IDE: variants seen among roughly 807,000 people sequenced by gnomAD.
IDE encodes insulin degrading enzyme.
IDE carries 58 observed loss-of-function variants against 133.2 expected under a neutral mutation model. The observed-to-expected ratio is 0.44, with a 90% CI of 0.35 to 0.54. The LOEUF (loss-of-function observed/expected upper bound fraction) is 0.54. IDE is among the 20% of genes least tolerant of loss of function. IDE has a pLI of 0.00. For missense variants in IDE, 981 were observed against 1,234.0 expected, an observed-to-expected ratio of 0.79 and a Z score of 3.07; for synonymous variants, 396 against 421.3, an observed-to-expected ratio of 0.94 and a Z score of 0.73.
In IDE at chr10:92,479,315, A is replaced by C. The variant is rs757461262; in HGVS notation, c.1846T>G (p.Leu616Val). ...EYAYAAELAG[L>V]SYDLQNTIYG... ...ATGGTATTTTGGAGATCATAGCTCA[A>C]GCCTGCTAGCTCTGCTGCATATGCA... The change falls in exon 15 of 25, where the codon TTG becomes GTG. Residue 616 changes from leucine (L) to valine (V), a missense_variant. Leu to Val is a conservative substitution (Grantham distance 32). Coordinates refer to ENST00000265986, the MANE Select transcript of IDE (RefSeq NM_004969.4). The C allele has an allele frequency of 2.8e-5, 45 of 1,613,686 alleles. No individual in the cohort carries two copies. The highest frequency in any genetic ancestry group is 3.7e-5 in the Non-Finnish European group (44 of 1,179,670).
chr10:92,469,379 G>A lies in IDE; in HGVS notation c.2209-389C>T, dbSNP rs529634327. On this transcript the variant is annotated intron_variant, in intron 18 of 24. Coordinates refer to ENST00000265986, the MANE Select transcript of IDE (RefSeq NM_004969.4). The stretch of plus-strand genomic sequence containing the variant: ...CTGCCACTTATTAGCATCTGACCTT[G>A]GGCATATTGTTCTGGAGGGGGTATA... Among the ~76,000 whole-genome samples the A allele has an allele frequency of 2.0e-5, 3 of 152,186 alleles. 1 individual carries two copies. The East Asian group carries it at 5.8e-4, about 29-fold the overall frequency.
chr10:92,476,904 T>C (rs1348212290), intron 15 of IDE, among the ~76,000 whole-genome samples: 1 of 152,094 alleles, frequency 6.6e-6, no homozygotes, highest in Admixed American at 6.6e-5. Flanking sequence ...AAAGCTGAGA[T>C]GGAAGGCTTG....
intron 20 of IDE, among the ~76,000 whole-genome samples, chr10:92,464,916 C>A (rs541475979): frequency 6.6e-6 from 1 of 152,308 alleles, no homozygotes; most frequent in Admixed American, 6.5e-5. Flanking sequence ...GTGATCCACC[C>A]GCCGCAGCCT....
Position 92,473,219 on chromosome 10 carries a change from G to A in IDE, c.2116+1622C>T, listed in dbSNP as rs774984200. On this transcript the variant is annotated intron_variant, in intron 17 of 24. Transcript: ENST00000265986. ...TGCTGGGATTACAGGTGTGAGCCAC[G>A]GCACCCGGCCCAAAATTCTTTTTAT... Among the ~76,000 whole-genome samples the A allele has an allele frequency of 3.3e-3, 500 of 151,994 alleles. 7 individuals carry two copies. Among genetic ancestry groups the A allele is most frequent in the Admixed American group, 5.3e-3 (80 of 15,238 alleles).
At chr10:92,530,288 CA>C (rs952570181) in intron 4 of IDE, among the ~76,000 whole-genome samples, 2 of 148,480 alleles carry the variant, frequency 1.3e-5, no homozygotes, top group Non-Finnish European at 3.0e-5. Flanking sequence ...TTTGAAAAAA[CA>C]AAAAAAAAGT....
intron 1 of IDE, among the ~76,000 whole-genome samples, chr10:92,555,801 A>T (rs763649254): frequency 1.3e-5 from 2 of 152,232 alleles, no homozygotes; most frequent in Non-Finnish European, 2.9e-5. Flanking sequence ...CACTCTTGCC[A>T]CTTCTATTCA....
chr10:92,519,959 C>G (rs960621491), intron 4 of IDE, among the ~76,000 whole-genome samples: 2 of 152,112 alleles, frequency 1.3e-5, no homozygotes, highest in African/African-American at 4.8e-5. Context: ...CAAAAATTAG[C>G]CAGGCATGGT....
chr10:92,494,401 G>T (rs1179898081), intron 11 of IDE, among the ~76,000 whole-genome samples: 2 of 149,912 alleles, frequency 1.3e-5, no homozygotes, highest in Admixed American at 6.7e-5. Flanking sequence ...TGGCTAGAGT[G>T]TGGGGGAAGA....
chr10:92,522,509 A>T (rs1255908234), intron 4 of IDE, among the ~76,000 whole-genome samples: 1 of 152,210 alleles, frequency 6.6e-6, no homozygotes, highest in East Asian at 1.9e-4. Context: ...CATTAGTCAA[A>T]TACAACAAAT....
At chr10:92,476,112 A>G in intron 15 of IDE, 118 bp from the exon 16 acceptor site, 1 of 631,474 alleles carries the variant, frequency 1.6e-6, no homozygotes, top group South Asian at 1.9e-5. Context: ...AAAATGAAAC[A>G]AATTCAATTT....
intron 4 of IDE, among the ~76,000 whole-genome samples, chr10:92,530,484 A>C (rs1849865689): frequency 6.6e-6 from 1 of 151,476 alleles, no homozygotes; most frequent in African/African-American, 2.4e-5. Context: ...ATAGTGTCTC[A>C]CTATGTTGCC....
At chr10:92,542,583 C>T (rs548429941) in intron 1 of IDE, among the ~76,000 whole-genome samples, 84 of 152,366 alleles carry the variant, frequency 5.5e-4, no homozygotes, top group African/African-American at 1.9e-3. Flanking sequence ...AGACACTACA[C>T]CCAGCCCAGG....
In IDE at chr10:92,468,866, CA is replaced by C. The variant is rs1845822521; in HGVS notation, c.2320+12del. On this transcript the variant is annotated intron_variant, in intron 19 of 24. Coordinates refer to ENST00000265986, the MANE Select transcript of IDE (RefSeq NM_004969.4). ...AAATAGTCCATTCCCAAAGTTACAA[CA>C]TCTCTACTTACTGTCAGGGAGCTGA... is the stretch of plus-strand genomic sequence containing the variant. 5 of 1,399,002 alleles carry C rather than the reference CA, an allele frequency of 3.6e-6. No individual in the cohort carries two copies. Among genetic ancestry groups the C allele is most frequent in the East Asian group, 2.3e-5 (1 of 43,886 alleles). 86.7% of individuals were successfully genotyped at this position (1,399,002 alleles called of 1,614,324 possible).
chr10:92,574,011 G>C lies in IDE; in HGVS notation c.9C>G (p.Tyr3Ter). 2 of 1,513,532 alleles carry C rather than the reference G, an allele frequency of 1.3e-6. No homozygotes were observed. The highest frequency in any genetic ancestry group is 1.8e-6 in the Non-Finnish European group (2 of 1,132,998). 93.8% of individuals were successfully genotyped at this position (1,513,532 alleles called of 1,614,324 possible). A position where few individuals can be genotyped will look rare whatever the true frequency, so the allele number is the denominator to read the frequency against. The change falls in exon 1 of 25, where the codon TAC (tyrosine) becomes TAG (stop). Residue 3 changes from tyrosine to a stop codon, truncating the protein, a stop_gained. Transcript: ENST00000265986. LOFTEE classifies it high-confidence loss of function. MR[Y>*]RLAWLLHPAL... is the part of the protein sequence containing the mutation. ...CGGGGTGCAGAAGCCACGCTAGCCGGTACCGCATTAGCCAGCGCAGTCGCC... is the reference window on the plus strand; with the variant it reads ...CGGGGTGCAGAAGCCACGCTAGCCGCTACCGCATTAGCCAGCGCAGTCGCC...
intron 1 of IDE, among the ~76,000 whole-genome samples, chr10:92,549,963 G>A (rs982105169): frequency 6.6e-6 from 1 of 152,108 alleles, no homozygotes; most frequent in African/African-American, 2.4e-5. Context: ...GAGGTCAGGA[G>A]TTCAAGACCA....
At chr10:92,563,304 T>C (rs765634355) in intron 1 of IDE, among the ~76,000 whole-genome samples, 1 of 150,506 alleles carries the variant, frequency 6.6e-6, no homozygotes. Flanking sequence ...ATACAAAAAT[T>C]AGCTGGGTGT....
chr10:92,524,019 AAAAC>A (rs1255044493), intron 4 of IDE, among the ~76,000 whole-genome samples: 2 of 151,900 alleles, frequency 1.3e-5, no homozygotes, highest in Non-Finnish European at 2.9e-5. Flanking sequence ...GGCAAACAAA[AAAAC>A]AAAATAGGGC....
At chr10:92,497,775 G>A (rs2135494528) in intron 11 of IDE, 1 of 864,456 alleles carries the variant, frequency 1.2e-6, no homozygotes, top group Middle Eastern at 5.9e-4. Context: ...AACAGTCACA[G>A]AGACCAATCC....
chr10:92,548,984 T>C (rs1371163664), intron 1 of IDE, among the ~76,000 whole-genome samples: 2 of 152,098 alleles, frequency 1.3e-5, no homozygotes, highest in African/African-American at 4.8e-5. Context: ...AAGAAAGAAT[T>C]ATATGATCCA....
Sources: allele counts gnomAD v4.1 joint callset (sites outside exome capture counted in the v4.1 genomes callset), GRCh38; gene constraint gnomAD v4.1.1; transcripts MANE v1.5; gene names NCBI Gene and HGNC (gene_info 2026-07-23, HGNC 2026-07-21).